ARHGAP15: variants seen among roughly 807,000 people sequenced by gnomAD.
The protein encoded by ARHGAP15 is rho GTPase-activating protein 15.
A neutral mutation model predicts 63.7 loss-of-function variants in ARHGAP15; 51 were observed. The observed-to-expected ratio is 0.80, with a 90% CI of 0.64 to 1.01. The LOEUF is 1.01. Ranked by LOEUF, ARHGAP15 falls within the 50% of genes least tolerant of loss-of-function variation. The pLI, the probability that ARHGAP15 is intolerant of heterozygous loss-of-function variation, is 0.00. For missense variants in ARHGAP15, 560 were observed against 564.6 expected, an observed-to-expected ratio of 0.99 and a Z score of 0.08; for synonymous variants, 191 against 193.8, an observed-to-expected ratio of 0.99 and a Z score of 0.12.
At chr2:143,651,910 C>A (rs553123524) in intron 12 of ARHGAP15, among the ~76,000 whole-genome samples, 1 of 151,826 alleles carries the variant, frequency 6.6e-6, no homozygotes, top group Non-Finnish European at 1.5e-5. Flanking sequence ...TAGGATTTTA[C>A]GTTTTCTGAT....
At chr2:143,249,566 C>T (rs7567001) in intron 5 of ARHGAP15, among the ~76,000 whole-genome samples, 25,707 of 151,858 alleles carry the variant, frequency 0.17, 2,338 homozygotes, top group Middle Eastern at 0.25. Context: ...ATGGAATCTA[C>T]AGAGAAACCT....
intron 6 of ARHGAP15, among the ~76,000 whole-genome samples, chr2:143,342,597 T>G (rs1262570898): frequency 2.0e-5 from 3 of 152,070 alleles, no homozygotes; most frequent in Non-Finnish European, 4.4e-5. Context: ...TGTCTAGCAC[T>G]GAAGTTCCAA....
chr2:143,258,440 T>C (rs950915472), intron 6 of ARHGAP15, among the ~76,000 whole-genome samples: 1 of 151,948 alleles, frequency 6.6e-6, no homozygotes, highest in Non-Finnish European at 1.5e-5. Flanking sequence ...GAAAGGAAAA[T>C]GCCCACACTT....
chr2:143,330,831 A>G (rs1392055201), intron 6 of ARHGAP15, among the ~76,000 whole-genome samples: 2 of 152,232 alleles, frequency 1.3e-5, no homozygotes, highest in African/African-American at 4.8e-5. Flanking sequence ...GTCCATAGGG[A>G]AAGTACTTAT....
Position 143,623,749 on chromosome 2 carries a change from G to A in ARHGAP15, c.1004-384G>A, listed in dbSNP as rs556784025. 2.6e-5 allele frequency among the ~76,000 whole-genome samples: 4 copies of A among 152,336 alleles called. No individual in the cohort carries two copies. In the East Asian group the frequency reaches 7.7e-4, roughly 29 times the overall value. ...CCTGTTGGCTCAGCAAGGCCTTTAG[G>A]CCGGTCCCTTGAGCCGGCCATCATT... On this transcript the variant is annotated intron_variant, in intron 11 of 13. Coordinates refer to ENST00000295095, the MANE Select transcript of ARHGAP15 (RefSeq NM_018460.4).
In ARHGAP15 at chr2:143,703,495, C is replaced by T; in HGVS notation, c.1215C>T (p.Thr405=). 1 of 1,612,338 alleles carries T rather than the reference C, an allele frequency of 6.2e-7. No individual in the cohort carries two copies. Among genetic ancestry groups the T allele is most frequent in the Non-Finnish European group, 8.5e-7 (1 of 1,179,244 alleles). Residue 405 remains threonine, a synonymous_variant, in exon 13 of 14, where the codon ACC becomes ACT. Transcript: ENST00000295095. ...AACTCCCTCCGCCAAATCGTGACACCATGAAAGTCCTCTTTGGACATCTAA... is the reference window on the plus strand; with the variant it reads ...AACTCCCTCCGCCAAATCGTGACACTATGAAAGTCCTCTTTGGACATCTAA... ...VQKLPPPNRD[T]MKVLFGHLTK...
intron 6 of ARHGAP15, among the ~76,000 whole-genome samples, chr2:143,418,809 G>A (rs778674026): frequency 5.9e-5 from 9 of 152,128 alleles, no homozygotes; most frequent in Admixed American, 1.3e-4. Context: ...TGTATCTGAT[G>A]TTTCCACATC....
At chr2:143,406,461 A>G (rs1688202199) in intron 6 of ARHGAP15, among the ~76,000 whole-genome samples, 1 of 151,902 alleles carries the variant, frequency 6.6e-6, no homozygotes. Context: ...TTAATATTTT[A>G]AAATATTCTT....
intron 11 of ARHGAP15, among the ~76,000 whole-genome samples, chr2:143,623,130 GT>G (rs1227994488): frequency 6.6e-6 from 1 of 152,184 alleles, no homozygotes; most frequent in Non-Finnish European, 1.5e-5. Context: ...CATGTTGCAC[GT>G]TTAGAAAGAC....
chr2:143,397,877 T>C (rs902983209), intron 6 of ARHGAP15, among the ~76,000 whole-genome samples: 1 of 152,112 alleles, frequency 6.6e-6, no homozygotes, highest in Non-Finnish European at 1.5e-5. Context: ...GATTCATATC[T>C]TCAATGAATT....
intron 6 of ARHGAP15, among the ~76,000 whole-genome samples, chr2:143,271,395 T>C (rs1051343370): frequency 6.6e-6 from 1 of 152,258 alleles, no homozygotes; most frequent in Non-Finnish European, 1.5e-5. Flanking sequence ...TTTCTCCGTA[T>C]CTTTTAAGGA....
At chr2:143,682,504 A>G (rs1683148509) in intron 12 of ARHGAP15, among the ~76,000 whole-genome samples, 2 of 152,178 alleles carry the variant, frequency 1.3e-5, no homozygotes, top group Admixed American at 6.6e-5. Context: ...ACACATATGT[A>G]TGTGTGTGCA....
intron 10 of ARHGAP15, among the ~76,000 whole-genome samples, chr2:143,548,824 C>T (rs1348865100): frequency 6.6e-6 from 1 of 150,956 alleles, no homozygotes; most frequent in East Asian, 2.0e-4. Context: ...GCAAGCATTT[C>T]ATAGCAGAAA....
chr2:143,611,105 C>T (rs750222491), intron 11 of ARHGAP15, among the ~76,000 whole-genome samples: 2 of 152,086 alleles, frequency 1.3e-5, no homozygotes, highest in East Asian at 3.9e-4. Context: ...ACCTTCCCAA[C>T]CAAGCTGATT....
chr2:143,594,569 T>A lies in ARHGAP15; in HGVS notation c.1004-29564T>A, dbSNP rs1018410251. The stretch of plus-strand genomic sequence containing the variant: ...ATGTAGCTTGGAGTTGTGATCCAGT[T>A]TTCCTGGTCTTATAATTGATCAGCT... On this transcript the variant is annotated intron_variant, in intron 11 of 13. Transcript: ENST00000295095. 1.4e-4 allele frequency among the ~76,000 whole-genome samples: 21 copies of A among 152,276 alleles called. 1 individual carries two copies. Among genetic ancestry groups the A allele is most frequent in the Admixed American group, 7.9e-4 (12 of 15,276 alleles).
At chr2:143,528,803 T>C (rs1281185991) in intron 10 of ARHGAP15, among the ~76,000 whole-genome samples, 1 of 152,126 alleles carries the variant, frequency 6.6e-6, no homozygotes, top group East Asian at 1.9e-4. Context: ...AGTGAGATTT[T>C]TTTCTTCCTT....
chr2:143,679,087 A>G (rs1019774810), intron 12 of ARHGAP15, among the ~76,000 whole-genome samples: 1 of 152,188 alleles, frequency 6.6e-6, no homozygotes, highest in African/African-American at 2.4e-5. Flanking sequence ...AGAAAAGTCA[A>G]TCATAAATGC....
chr2:143,641,112 G>C (rs1410678166), intron 12 of ARHGAP15: 1 of 152,126 alleles, frequency 6.6e-6, no homozygotes, highest in Non-Finnish European at 1.5e-5. Context: ...CTGTTAAACA[G>C]TACTCACTTT....
chr2:143,380,303 TTAA>T, intron 6 of ARHGAP15, among the ~76,000 whole-genome samples: 1 of 152,292 alleles, frequency 6.6e-6, no homozygotes, highest in East Asian at 1.9e-4. Flanking sequence ...GGCAAATGAC[TTAA>T]TAACAGGAAT....
Sources: gnomAD v4.1 joint callset for allele counts (sites outside exome capture counted in the v4.1 genomes callset) on GRCh38, gnomAD v4.1.1 for gene constraint, MANE v1.5 for transcripts, NCBI Gene and HGNC (gene_info 2026-07-23, HGNC 2026-07-21) for gene names.